QTMAN: variants seen among roughly 807,000 people sequenced by gnomAD.
The protein encoded by QTMAN is tRNA-queuosine alpha-mannosyltransferase.
At chr2:144,026,259 C>T in the QTMAN span, among the ~76,000 whole-genome samples, 1 of 151,930 alleles carries the variant, frequency 6.6e-6, no homozygotes, top group Non-Finnish European at 1.5e-5. Context: ...CATGGTGAAA[C>T]CCCGTCTCTA....
chr2:144,216,387 C>A, the QTMAN span, among the ~76,000 whole-genome samples: 1 of 152,170 alleles, frequency 6.6e-6, no homozygotes, highest in African/African-American at 2.4e-5. Flanking sequence ...TGACACACAG[C>A]AGACAAACTA....
the QTMAN span, among the ~76,000 whole-genome samples, chr2:144,146,244 C>T: frequency 1.6e-4 from 23 of 147,970 alleles, no homozygotes; most frequent in Non-Finnish European, 3.0e-4. Context: ...TGGTCTTTTT[C>T]TCTTGGCATG....
the QTMAN span, among the ~76,000 whole-genome samples, chr2:144,284,601 GAAAAAT>G: frequency 6.6e-5 from 10 of 151,828 alleles, no homozygotes; most frequent in East Asian, 1.4e-3. Flanking sequence ...AATTATTATA[GAAAAAT>G]AAAAATAAAA....
the QTMAN span, among the ~76,000 whole-genome samples, chr2:143,976,925 CCT>C: frequency 1.4e-3 from 219 of 152,296 alleles, no homozygotes; most frequent in African/African-American, 5.0e-3. Context: ...ACTGGCTCTG[CCT>C]CTGTCTAGCA....
chr2:144,259,271 G>A, the QTMAN span, among the ~76,000 whole-genome samples: 26 of 152,224 alleles, frequency 1.7e-4, no homozygotes, highest in Non-Finnish European at 2.9e-4. Context: ...TAATCCTCTC[G>A]CCTCAGCCTC....
At chr2:144,088,965 A>T in the QTMAN span, among the ~76,000 whole-genome samples, 1 of 151,914 alleles carries the variant, frequency 6.6e-6, no homozygotes, top group East Asian at 1.9e-4. Context: ...CAAAAATAGG[A>T]CTTACTTAAA....
chr2:143,967,589 C>G, the QTMAN span, among the ~76,000 whole-genome samples: 3 of 152,132 alleles, frequency 2.0e-5, no homozygotes, highest in Non-Finnish European at 4.4e-5. Flanking sequence ...CCTCGGCCTC[C>G]CAAGGTGCTG....
the QTMAN span, among the ~76,000 whole-genome samples, chr2:144,297,577 CT>C: frequency 0.024 from 2,810 of 119,298 alleles, 33 homozygotes; most frequent in African/African-American, 0.081. Context: ...AGGATTCCGT[CT>C]TTTTTTTTTT....
At chr2:144,219,241 C>T in the QTMAN span, among the ~76,000 whole-genome samples, 1 of 152,150 alleles carries the variant, frequency 6.6e-6, no homozygotes, top group Admixed American at 6.5e-5. Context: ...AGTGATTCTG[C>T]TGCCTCACCC....
chr2:144,158,197 T>C, the QTMAN span, among the ~76,000 whole-genome samples: 11 of 151,912 alleles, frequency 7.2e-5, no homozygotes, highest in Non-Finnish European at 1.2e-4. Context: ...TACCACTCCA[T>C]AGGAATCAGT....
At chr2:144,191,254 C>T in the QTMAN span, among the ~76,000 whole-genome samples, 1 of 152,118 alleles carries the variant, frequency 6.6e-6, no homozygotes, top group Non-Finnish European at 1.5e-5. Flanking sequence ...GTGAAAACCA[C>T]CAATAGCCAC....
At chr2:144,110,490 T>C in the QTMAN span, among the ~76,000 whole-genome samples, 1 of 151,966 alleles carries the variant, frequency 6.6e-6, no homozygotes, top group Non-Finnish European at 1.5e-5. Context: ...TGTATACATA[T>C]GTAACAAACC....
chr2:144,042,612 T>A, the QTMAN span, among the ~76,000 whole-genome samples: 5 of 151,210 alleles, frequency 3.3e-5, no homozygotes, highest in Non-Finnish European at 5.9e-5. Context: ...AAACAAAAAA[T>A]TAGCTGGCGT....
the QTMAN span, among the ~76,000 whole-genome samples, chr2:144,316,507 A>G: frequency 6.6e-6 from 1 of 152,180 alleles, no homozygotes; most frequent in Non-Finnish European, 1.5e-5. Context: ...GATCCAATTC[A>G]GCTTATGATA....
the QTMAN span, among the ~76,000 whole-genome samples, chr2:144,256,999 T>C: frequency 2.0e-4 from 31 of 151,770 alleles, no homozygotes; most frequent in African/African-American, 7.0e-4. Flanking sequence ...ATTTTACTAC[T>C]ATGTTCTTAA....
At chr2:144,319,548 T>A in the QTMAN span, among the ~76,000 whole-genome samples, 1 of 151,810 alleles carries the variant, frequency 6.6e-6, no homozygotes. Context: ...ACCACCAAAA[T>A]TTTTTTTCAT....
the QTMAN span, among the ~76,000 whole-genome samples, chr2:144,268,962 G>A: frequency 2.6e-5 from 4 of 151,952 alleles, no homozygotes; most frequent in Admixed American, 2.6e-4. Context: ...CCTAATTTTT[G>A]TATTTTTGTA....
chr2:143,970,564 C>T, the QTMAN span: 1 of 781,422 alleles, frequency 1.3e-6, no homozygotes, highest in Non-Finnish European at 2.3e-6. Flanking sequence ...CTTGATTATT[C>T]TAACAAAGGG....
chr2:144,159,476 T>C, the QTMAN span, among the ~76,000 whole-genome samples: 2 of 152,036 alleles, frequency 1.3e-5, no homozygotes, highest in African/African-American at 2.4e-5. Context: ...GATTCAAATA[T>C]GGTTCACAAA....
Sources: gnomAD v4.1 joint callset for allele counts (sites outside exome capture counted in the v4.1 genomes callset) on GRCh38, gnomAD v4.1.1 for gene constraint, MANE v1.5 for transcripts, NCBI Gene and HGNC (gene_info 2026-07-23, HGNC 2026-07-21) for gene names.